Variants in ACOT12 observed in about 807,000 individuals in gnomAD.
The protein encoded by ACOT12 is acetyl-coenzyme A thioesterase.
A neutral mutation model predicts 67.7 loss-of-function variants in ACOT12; 51 were observed. The observed-to-expected ratio is 0.75, with a 90% confidence interval of 0.60 to 0.95. The LOEUF is 0.95. Ranked by LOEUF, ACOT12 falls within the 40% of genes least tolerant of loss-of-function variation. The pLI, the probability that ACOT12 is intolerant of heterozygous loss-of-function variation, is 0.00. For missense variants in ACOT12, 734 were observed against 708.1 expected, an observed-to-expected ratio of 1.04 and a Z score of -0.41; for synonymous variants, 251 against 244.6, an observed-to-expected ratio of 1.03 and a Z score of -0.24.
At chr5:81,391,530 G>T (rs1156778733) in intron 1 of ACOT12, among the ~76,000 whole-genome samples, 1 of 152,198 alleles carries the variant, frequency 6.6e-6, no homozygotes, top group African/African-American at 2.4e-5. Flanking sequence ...ATCTGTGGGA[G>T]ATTTTTTAGT....
intron 2 of ACOT12, among the ~76,000 whole-genome samples, chr5:81,375,722 A>G (rs1404927380): frequency 6.6e-6 from 1 of 152,162 alleles, no homozygotes; most frequent in Non-Finnish European, 1.5e-5. Flanking sequence ...TTAAACCAAC[A>G]AAGATCAAAA....
At chr5:81,331,705 A>G (rs1404237173) in intron 13 of ACOT12, among the ~76,000 whole-genome samples, 1 of 152,248 alleles carries the variant, frequency 6.6e-6, no homozygotes, top group Admixed American at 6.5e-5. Context: ...TAGACTTTTT[A>G]AAATAAGTGT....
intron 1 of ACOT12, among the ~76,000 whole-genome samples, chr5:81,387,340 T>A (rs1760756597): frequency 6.6e-6 from 1 of 152,074 alleles, no homozygotes; most frequent in Non-Finnish European, 1.5e-5. Context: ...CCAGCCATAG[T>A]CAGTACCCTT....
intron 1 of ACOT12, among the ~76,000 whole-genome samples, chr5:81,386,312 C>T (rs1437290601): frequency 6.6e-6 from 1 of 152,162 alleles, no homozygotes; most frequent in Admixed American, 6.5e-5. Context: ...AGGATCTTCT[C>T]TGGGTATCAG....
At chr5:81,319,597 A>T in the ACOT12 span, among the ~76,000 whole-genome samples, 2,684 of 152,164 alleles carry the variant, frequency 0.018, 69 homozygotes, top group African/African-American at 0.06. Context: ...CATGCCTGTA[A>T]TCCCAGCTAC....
rs78100588 is a variant in ACOT12, at chr5:81,350,736, A to G, written c.497-2806T>C. ...TCTGAGGATCCAAATCTTCATGAGGATGCACTTGTGATTGAATTCTGAAAG... is the reference window on the plus strand; with the variant it reads ...TCTGAGGATCCAAATCTTCATGAGGGTGCACTTGTGATTGAATTCTGAAAG... On this transcript the variant is annotated intron_variant, in intron 5 of 14. Transcript: ENST00000307624. Among the ~76,000 whole-genome samples, 1,064 of 152,280 alleles carry G rather than the reference A, an allele frequency of 7.0e-3. 11 individuals are homozygous for G. Among genetic ancestry groups the G allele is most frequent in the African/African-American group, 0.023 (953 of 41,552 alleles).
At position 81,332,581 on chromosome 5, in the gene ACOT12, C is replaced by T; in HGVS notation, c.1287G>A (p.Val429=). 1.2e-6 allele frequency: 2 copies of T among 1,614,100 alleles called. No homozygotes were observed. Among genetic ancestry groups the T allele is most frequent in the Non-Finnish European group, 1.7e-6 (2 of 1,180,006 alleles). ...TGTGATACAGCTGATCATCTTCACT[C>T]ACCCAGTCTATGACTTCACAGGACC... ...HFVSCEVIDW[V]SEDDQLYHIT... Residue 429 remains valine, a synonymous_variant, in exon 13 of 15, where the codon GTG becomes GTA. Coordinates refer to ENST00000307624, the MANE Select transcript of ACOT12 (RefSeq NM_130767.3).
At chr5:81,344,095 G>C in intron 9 of ACOT12, 65 bp downstream of exon 9, 1 of 1,525,944 alleles carries the variant, frequency 6.6e-7, no homozygotes, top group Non-Finnish European at 9.0e-7. Flanking sequence ...CCCAGAGGGG[G>C]GCTCTTATAT....
intron 14 of ACOT12, 71 bp downstream of exon 14, chr5:81,330,743 T>A (rs1758790717): frequency 6.3e-7 from 1 of 1,577,912 alleles, no homozygotes; most frequent in Admixed American, 1.8e-5. Context: ...AATTAGGACA[T>A]CTGGGTAAAT....
At position 81,371,472 on chromosome 5, in the gene ACOT12, G is replaced by A. The variant is rs574311588; in HGVS notation, c.258+278C>T. Among the ~76,000 whole-genome samples the A allele has an allele frequency of 1.2e-3, 182 of 151,922 alleles. 1 individual carries two copies. The highest frequency in any genetic ancestry group is 4.2e-3 in the African/African-American group (175 of 41,428). ...CTTGCTATCTTGCCCAGGCTGGTGT[G>A]GAACTCCTGGTCTCAAGTGATCTTC... On this transcript the variant is annotated intron_variant, in intron 3 of 14. Transcript: ENST00000307624.
In ACOT12 at chr5:81,357,827, G is replaced by A. The variant is rs563959100; in HGVS notation, c.496+2076C>T. Among the ~76,000 whole-genome samples, 495 of 152,136 alleles carry A rather than the reference G, an allele frequency of 3.3e-3. 1 individual carries two copies. Among genetic ancestry groups the A allele is most frequent in the African/African-American group, 0.011 (451 of 41,520 alleles). On this transcript the variant is annotated intron_variant, in intron 5 of 14. Transcript: ENST00000307624. ...TCAAGACCAGCCTGGCCAATGTGGTGAAACCTCGTCTCCCCTAAAAACACA... is the reference window on the plus strand; with the variant it reads ...TCAAGACCAGCCTGGCCAATGTGGTAAAACCTCGTCTCCCCTAAAAACACA...
At chr5:81,389,709 T>A (rs1313181526) in intron 1 of ACOT12, among the ~76,000 whole-genome samples, 1 of 151,958 alleles carries the variant, frequency 6.6e-6, no homozygotes. Flanking sequence ...GTATTTTTAG[T>A]AAAGATGGGA....
At chr5:81,330,771 TC>T in intron 14 of ACOT12, 42 bp downstream of exon 14, 1 of 1,598,398 alleles carries the variant, frequency 6.3e-7, no homozygotes, top group Non-Finnish European at 8.5e-7. Flanking sequence ...TTTTTCGCTA[TC>T]TGGCAGAGCC....
chr5:81,334,945 G>C (rs1032050588), intron 12 of ACOT12, among the ~76,000 whole-genome samples: 2 of 152,128 alleles, frequency 1.3e-5, no homozygotes, highest in African/African-American at 2.4e-5. Context: ...ATCATCAGGA[G>C]GGGGAGCAGG....
intron 2 of ACOT12, among the ~76,000 whole-genome samples, chr5:81,385,349 C>G (rs1161996450): frequency 1.3e-5 from 2 of 152,066 alleles, no homozygotes; most frequent in Non-Finnish European, 2.9e-5. Flanking sequence ...TGCCTGTAGT[C>G]CCAGCTACTT....
intron 1 of ACOT12, 38 bp from the exon 2 acceptor site, chr5:81,385,864 G>A: frequency 6.3e-7 from 1 of 1,576,404 alleles, no homozygotes; most frequent in Non-Finnish European, 8.7e-7. Flanking sequence ...CTTTAGTGGT[G>A]ATATGAGAAT....
the ACOT12 span, chr5:81,311,132 A>G: frequency 5.6e-6 from 8 of 1,418,530 alleles, no homozygotes; most frequent in African/African-American, 2.8e-5. Flanking sequence ...AGGATCCAGT[A>G]AGATGTGAAA....
chr5:81,388,845 A>G (rs1760795879), intron 1 of ACOT12, among the ~76,000 whole-genome samples: 1 of 152,132 alleles, frequency 6.6e-6, no homozygotes, highest in African/African-American at 2.4e-5. Flanking sequence ...TTCTCATAAT[A>G]GTGAATAAGC....
At chr5:81,345,076 G>C (rs747893459) in intron 7 of ACOT12, 35 bp from the exon 8 acceptor site, 1 of 1,610,480 alleles carries the variant, frequency 6.2e-7, no homozygotes, top group South Asian at 1.1e-5. Context: ...GGGCAAAGAG[G>C]ATCTTGACCC....
Sources: gnomAD v4.1 joint callset for allele counts (sites outside exome capture counted in the v4.1 genomes callset) on GRCh38, gnomAD v4.1.1 for gene constraint, MANE v1.5 for transcripts, NCBI Gene and HGNC (gene_info 2026-07-23, HGNC 2026-07-21) for gene names.